The following MYH13 variants were observed in gnomAD, a reference collection of about 807,000 sequenced individuals.
MYH13 encodes the protein myosin-13.
In MYH13, 177 loss-of-function variants were observed where a neutral mutation model predicts 232.1. The ratio of observed to expected loss-of-function variants is 0.76; its 90% CI spans 0.67 to 0.86. The LOEUF is 0.86. Ranked by LOEUF, MYH13 falls within the 40% of genes least tolerant of loss-of-function variation. The pLI, the probability that MYH13 is intolerant of heterozygous loss-of-function variation, is 0.00. For missense variants in MYH13, 2,246 were observed against 2,405.9 expected (o/e 0.93, Z 1.39); for synonymous variants, 884 against 923.5 (o/e 0.96, Z 0.78).
intron 18 of MYH13, among the ~76,000 whole-genome samples, chr17:10,338,089 G>T (rs1377105618): frequency 6.6e-6 from 1 of 152,092 alleles, no homozygotes; most frequent in African/African-American, 2.4e-5. Context: ...ATTACCAAAA[G>T]CATTCCTCCC....
At chr17:10,338,846 G>A (rs938013368) in intron 18 of MYH13, among the ~76,000 whole-genome samples, 9 of 151,882 alleles carry the variant, frequency 5.9e-5, no homozygotes, top group South Asian at 2.1e-4. Flanking sequence ...GACTACAGGC[G>A]CCCGCCACCA....
intron 23 of MYH13, among the ~76,000 whole-genome samples, chr17:10,322,201 A>T (rs772202689): frequency 6.6e-6 from 1 of 151,108 alleles, no homozygotes; most frequent in Non-Finnish European, 1.5e-5. Context: ...GACCATCCTG[A>T]CTAACATCGT....
chr17:10,330,250 G>A (rs1293475573), intron 21 of MYH13, 137 bp downstream of exon 21: 1 of 1,254,428 alleles, frequency 8.0e-7, no homozygotes, highest in Admixed American at 2.5e-5. Context: ...GCCCAGGATT[G>A]CCGCTCAGTA....
intron 11 of MYH13, among the ~76,000 whole-genome samples, chr17:10,353,417 G>C (rs1404673879): frequency 6.6e-6 from 1 of 152,168 alleles, no homozygotes; most frequent in African/African-American, 2.4e-5. Flanking sequence ...TGGTCATGGG[G>C]CAGTGTCTCT....
intron 18 of MYH13, among the ~76,000 whole-genome samples, chr17:10,338,776 C>T (rs1001131321): frequency 1.3e-5 from 2 of 151,076 alleles, no homozygotes; most frequent in Non-Finnish European, 2.9e-5. Context: ...TCTCGGCTCA[C>T]TGCAAGCTCC....
intron 7 of MYH13, among the ~76,000 whole-genome samples, chr17:10,359,672 C>T (rs572383603): frequency 9.9e-5 from 15 of 151,992 alleles, no homozygotes; most frequent in Non-Finnish European, 1.6e-4. Context: ...AGGACTGAGC[C>T]CTTAACTTGT....
intron 21 of MYH13, among the ~76,000 whole-genome samples, chr17:10,328,590 G>A (rs1907301162): frequency 6.6e-6 from 1 of 151,954 alleles, no homozygotes; most frequent in South Asian, 2.1e-4. Context: ...CTTCCTGCTG[G>A]AGAAACCCAG....
chr17:10,314,426 A>G (rs1027644756), intron 29 of MYH13, among the ~76,000 whole-genome samples: 3 of 152,060 alleles, frequency 2.0e-5, no homozygotes, highest in Non-Finnish European at 4.4e-5. Flanking sequence ...AAAAAAAAAA[A>G]AAAAGGCAAT....
In MYH13 at chr17:10,346,671, C is replaced by T. The variant is rs751853419; in HGVS notation, c.1263+9G>A. ...TCTCAATCAACTGGATTCAGAGCAT[C>T]TCCATTACCTGCTGGACATTTTGCC... On this transcript the variant is annotated intron_variant, in intron 13 of 40. Coordinates refer to ENST00000252172, the MANE Select transcript of MYH13 (RefSeq NM_003802.3). The T allele has an allele frequency of 1.3e-6, 2 of 1,596,956 alleles. No homozygotes were observed. Among genetic ancestry groups the T allele is most frequent in the South Asian group, 2.2e-5 (2 of 90,404 alleles).
At position 10,360,435 on chromosome 17, in the gene MYH13, G is replaced by A. The variant is rs557901443; in HGVS notation, c.506-247C>T. On this transcript the variant is annotated intron_variant, in intron 5 of 40. Transcript: ENST00000252172. ...TACTCACTGTAGTGAATCCCACAGT[G>A]TAGAAGTTACTCATGTTTATAGATC... Among the ~76,000 whole-genome samples the A allele has an allele frequency of 2.2e-4, 34 of 152,288 alleles. 1 individual carries two copies. Among genetic ancestry groups the A allele is most frequent in the African/African-American group, 7.5e-4 (31 of 41,534 alleles).
rs962051055 is a variant in MYH13 at position 10,355,661 on chromosome 17, C to T, written c.739-514G>A. Reference sequence around the variant, plus strand: ...AGGTAGCTCTACCCAAGCACCTGTCCCTGTTCCCACAACTCAGGGGATGCC... The same window carrying T: ...AGGTAGCTCTACCCAAGCACCTGTCTCTGTTCCCACAACTCAGGGGATGCC... On this transcript the variant is annotated intron_variant, in intron 8 of 40. Transcript: ENST00000252172. 3.3e-5 allele frequency among the ~76,000 whole-genome samples: 5 copies of T among 152,152 alleles called. 1 individual carries two copies. The highest frequency in any genetic ancestry group is 2.6e-4 in the Admixed American group (4 of 15,278).
Position 10,312,693 on chromosome 17 carries a change from C to A in MYH13, c.4246G>T (p.Ala1416Ser), listed in dbSNP as rs751311864. The change falls in exon 31 of 41, where the codon GCA becomes TCA. Residue 1416 changes from alanine (A) to serine (S), a missense_variant. Physicochemically the swap from Ala to Ser is moderately conservative, Grantham distance 99 (BLOSUM62 1). Transcript: ENST00000252172. The stretch of plus-strand genomic sequence containing the variant: ...CTCTGCTTGGTTTTCTCCAACGATG[C>A]GCACTTGGAGTTCGCCGTCTCCGTG... ...ENTETANSKC[A>S]SLEKTKQRLQ... 2 of 1,613,576 alleles carry A rather than the reference C, an allele frequency of 1.2e-6. No individual in the cohort carries two copies. The highest frequency in any genetic ancestry group is 1.7e-6 in the Non-Finnish European group (2 of 1,179,806).
Position 10,345,491 on chromosome 17 carries a change from G to A in MYH13, c.1389C>T (p.Asp463=), listed in dbSNP as rs1402240045. The A allele has an allele frequency of 6.2e-7, 1 of 1,614,176 alleles. No homozygotes were observed. The highest frequency in any genetic ancestry group is 2.2e-5 in the East Asian group (1 of 44,876). The change falls in exon 14 of 41, where the codon GAC becomes GAT. Residue 463 remains aspartate, a synonymous_variant. Transcript: ENST00000252172. ...QPRQYFIGVL[D]IAGFEIFDFN... is the part of the protein sequence containing the mutation. ...CATCAAAGATCTCAAAGCCAGCAAT[G>A]TCCAAGACCCCGATGAAGTACTGCC... is the stretch of plus-strand genomic sequence containing the variant.
At chr17:10,314,961 A>G (rs968103448) in intron 29 of MYH13, among the ~76,000 whole-genome samples, 5 of 152,188 alleles carry the variant, frequency 3.3e-5, no homozygotes, top group Non-Finnish European at 7.3e-5. Flanking sequence ...TGCTCCCAAA[A>G]CCATGGAGCC....
chr17:10,368,697 A>C (rs2071856185), intron 2 of MYH13, among the ~76,000 whole-genome samples: 1 of 152,218 alleles, frequency 6.6e-6, no homozygotes, highest in Admixed American at 6.5e-5. Flanking sequence ...TTATTGTGAA[A>C]GAGTTTTAGC....
At position 10,327,982 on chromosome 17, in the gene MYH13, C is replaced by G. The variant is rs1907273870; in HGVS notation, c.2575G>C (p.Asp859His). Residue 859 changes from aspartate (D) to histidine (H), a missense_variant, in exon 22 of 41, where the codon GAC becomes CAC. Asp to His is a moderately conservative substitution (Grantham distance 81). Transcript: ENST00000252172. ...AGTTCTTCCTTGGTCCTCTCAAAGTCTTCCTTCATGGTGGCCATCTCCTTC... is the reference window on the plus strand; with the variant it reads ...AGTTCTTCCTTGGTCCTCTCAAAGTGTTCCTTCATGGTGGCCATCTCCTTC... ...AEKEMATMKE[D>H]FERTKEELAR... is the part of the protein sequence containing the mutation. 1.2e-6 allele frequency: 2 copies of G among 1,613,990 alleles called. No individual in the cohort carries two copies. The highest frequency in any genetic ancestry group is 1.7e-6 in the Non-Finnish European group (2 of 1,179,962).
intron 3 of MYH13, among the ~76,000 whole-genome samples, chr17:10,363,277 CTG>C (rs1487485838): frequency 7.6e-6 from 1 of 131,398 alleles, no homozygotes; most frequent in Non-Finnish European, 1.5e-5. Context: ...GATCACGCCA[CTG>C]CACTCCAGCC....
intron 39 of MYH13, 103 bp from the exon 40 acceptor site, chr17:10,301,806 T>C (rs1204108633): frequency 2.1e-6 from 3 of 1,437,094 alleles, no homozygotes; most frequent in Non-Finnish European, 2.8e-6. Flanking sequence ...ACCAGGGCCC[T>C]GGATTCCCTG....
In MYH13 at chr17:10,362,369, C is replaced by G. The variant is rs764511154; in HGVS notation, c.339G>C (p.Trp113Cys). 3.1e-6 allele frequency: 5 copies of G among 1,614,032 alleles called. No individual in the cohort carries two copies. The highest frequency in any genetic ancestry group is 1.3e-5 in the African/African-American group (1 of 74,896). Residue 113 changes from tryptophan (W) to cysteine (C), a missense_variant, in exon 4 of 41, where the codon TGG (tryptophan) becomes TGC (cysteine). Transcript: ENST00000252172. Reference protein sequence around the residue: ...LYNLKERYAAWMIYTYSGLFC... With the variant: ...LYNLKERYAACMIYTYSGLFC... ...GTTTACAGACACTCACGTAGATCAT[C>G]CAGGCTGCATAGCGCTCTTTGAGGT...
Sources: gnomAD v4.1 joint callset for allele counts (sites outside exome capture counted in the v4.1 genomes callset) on GRCh38, gnomAD v4.1.1 for gene constraint, MANE v1.5 for transcripts, NCBI Gene and HGNC (gene_info 2026-07-23, HGNC 2026-07-21) for gene names.